Variants in BRD10 observed in about 807,000 individuals in gnomAD.
BRD10 encodes the protein bromodomain containing 10.
the BRD10 span, among the ~76,000 whole-genome samples, chr9:5,911,631 T>A: frequency 6.6e-6 from 1 of 151,538 alleles, no homozygotes; most frequent in African/African-American, 2.4e-5. Context: ...ACCTCCCAGG[T>A]TCAAGCTATT....
At chr9:5,921,862 G>A in the BRD10 span, 36 of 1,613,890 alleles carry the variant, frequency 2.2e-5, no homozygotes, top group Admixed American at 3.3e-5. Context: ...AATCACCACT[G>A]CCAGTGGTGT....
the BRD10 span, chr9:6,007,284 G>A: frequency 7.4e-6 from 12 of 1,613,926 alleles, no homozygotes; most frequent in Non-Finnish European, 1.0e-5. Context: ...GCAGGCGGTA[G>A]CACGTCTCCA....
At chr9:5,987,772 A>G in the BRD10 span, among the ~76,000 whole-genome samples, 65 of 152,330 alleles carry the variant, frequency 4.3e-4, no homozygotes, top group South Asian at 6.2e-4. Context: ...TTTGTTTGTC[A>G]GTATAGAAAC....
chr9:5,952,342 A>G, the BRD10 span, among the ~76,000 whole-genome samples: 1 of 152,054 alleles, frequency 6.6e-6, no homozygotes, highest in African/African-American at 2.4e-5. Flanking sequence ...AAACAGCTCA[A>G]TCTGGCAAAA....
At chr9:5,954,666 C>T in the BRD10 span, among the ~76,000 whole-genome samples, 16 of 152,084 alleles carry the variant, frequency 1.1e-4, no homozygotes, top group African/African-American at 3.9e-4. Flanking sequence ...TTAAAGTGCA[C>T]CTAGTTATTT....
At chr9:5,957,799 A>T in the BRD10 span, among the ~76,000 whole-genome samples, 1 of 152,154 alleles carries the variant, frequency 6.6e-6, no homozygotes, top group Non-Finnish European at 1.5e-5. Flanking sequence ...AAAAAATTAA[A>T]TATTATTTTA....
the BRD10 span, chr9:5,920,545 T>C: frequency 1.2e-6 from 2 of 1,614,042 alleles, no homozygotes; most frequent in Non-Finnish European, 8.5e-7. Flanking sequence ...TTATTTTACC[T>C]GGACTTGTTG....
At chr9:5,924,689 C>T in the BRD10 span, 1 of 1,530,944 alleles carries the variant, frequency 6.5e-7, no homozygotes, top group Non-Finnish European at 8.8e-7. Context: ...CCAGGATATC[C>T]AGAGGTTCTG....
the BRD10 span, chr9:5,908,678 A>C: frequency 6.2e-7 from 1 of 1,614,154 alleles, no homozygotes; most frequent in Non-Finnish European, 8.5e-7. Flanking sequence ...AACTCTCTGC[A>C]GAACAGTCAC....
chr9:5,921,599 C>T, the BRD10 span: 1 of 1,613,984 alleles, frequency 6.2e-7, no homozygotes, highest in Non-Finnish European at 8.5e-7. Flanking sequence ...TGGAGTCCCA[C>T]TGATTACATC....
the BRD10 span, among the ~76,000 whole-genome samples, chr9:5,997,025 T>G: frequency 6.6e-6 from 1 of 152,216 alleles, no homozygotes; most frequent in African/African-American, 2.4e-5. Flanking sequence ...TAAGCATTGA[T>G]GAGGCTTTAA....
the BRD10 span, among the ~76,000 whole-genome samples, chr9:5,895,297 A>G: frequency 1.7e-3 from 262 of 152,288 alleles, 2 homozygotes; most frequent in African/African-American, 6.2e-3. Flanking sequence ...ACCAATGTCA[A>G]AAGTCATTCC....
the BRD10 span, among the ~76,000 whole-genome samples, chr9:5,918,680 A>C: frequency 6.8e-6 from 1 of 147,480 alleles, no homozygotes; most frequent in Non-Finnish European, 1.5e-5. Context: ...CATTAGTGGC[A>C]AAAAAACCAC....
the BRD10 span, chr9:5,924,798 T>C: frequency 1.3e-6 from 2 of 1,560,944 alleles, no homozygotes; most frequent in Non-Finnish European, 1.7e-6. Context: ...AAATGTATCA[T>C]GATCAGGTTG....
the BRD10 span, among the ~76,000 whole-genome samples, chr9:5,880,144 C>G: frequency 6.6e-6 from 1 of 151,328 alleles, no homozygotes; most frequent in African/African-American, 2.4e-5. Flanking sequence ...TGGTCTCACT[C>G]CTGACCTCAA....
chr9:5,916,741 T>C, the BRD10 span, among the ~76,000 whole-genome samples: 14 of 152,098 alleles, frequency 9.2e-5, no homozygotes, highest in Admixed American at 5.2e-4. Context: ...AACACAGATA[T>C]CCAAATGGCT....
chr9:5,903,497 A>G, the BRD10 span, among the ~76,000 whole-genome samples: 35 of 152,014 alleles, frequency 2.3e-4, no homozygotes, highest in African/African-American at 8.0e-4. Flanking sequence ...TTTGTTTTTG[A>G]TATTAGGGTA....
the BRD10 span, among the ~76,000 whole-genome samples, chr9:5,887,782 T>C: frequency 3.9e-5 from 6 of 152,348 alleles, no homozygotes; most frequent in East Asian, 1.2e-3. Context: ...TGGTCTATTG[T>C]TCTGCCTCAA....
At chr9:5,950,739 G>C in the BRD10 span, among the ~76,000 whole-genome samples, 3 of 151,948 alleles carry the variant, frequency 2.0e-5, no homozygotes, top group Non-Finnish European at 2.9e-5. Flanking sequence ...CTGGTTCCAG[G>C]ACTCACCTCT....
Sources: gnomAD v4.1 joint callset for allele counts (sites outside exome capture counted in the v4.1 genomes callset) on GRCh38, gnomAD v4.1.1 for gene constraint, MANE v1.5 for transcripts, NCBI Gene and HGNC (gene_info 2026-07-23, HGNC 2026-07-21) for gene names.